MXRA8: variants seen among roughly 807,000 people sequenced by gnomAD.
MXRA8 encodes matrix remodeling associated 8.
A neutral mutation model predicts 51.4 loss-of-function variants in MXRA8; 44 were observed. The ratio of observed to expected loss-of-function variants is 0.86; its 90% CI spans 0.67 to 1.10. The LOEUF (loss-of-function observed/expected upper bound fraction) is 1.10, where lower values mean the gene tolerates loss of function less well. Among genes scored for constraint, MXRA8 ranks in the 50% least tolerant of loss-of-function variants. The pLI, the probability that MXRA8 is intolerant of heterozygous loss-of-function variation, is 0.00. For synonymous variants in MXRA8, 369 were observed against 293.5 expected (o/e 1.26, Z -2.63); for missense variants, 765 against 638.9 (o/e 1.20, Z -2.13).
chr1:1,359,589 C>G, upstream of MXRA8: 1 of 985,204 alleles, frequency 1.0e-6, no homozygotes, highest in South Asian at 4.7e-5. Flanking sequence ...CTCTGGTGCC[C>G]AAGTCCTCAG....
chr1:1,354,893 G>A lies in MXRA8; in HGVS notation c.738C>T (p.Gly246=), dbSNP rs1240881691. The stretch of plus-strand genomic sequence containing the variant: ...AGTCACCGCGCTCAAAGGCATCCGC[G>A]CCCACAGCCACGCGGTCGCGCAGAA... ...PLFLRDRVAV[G]ADAFERGDFS... The change falls in exon 5 of 10, where the codon GGC becomes GGT. Residue 246 remains glycine, a synonymous_variant. Coordinates refer to ENST00000309212, the MANE Select transcript of MXRA8 (RefSeq NM_032348.4). The A allele has an allele frequency of 6.2e-7, 1 of 1,611,278 alleles. No homozygotes were observed. Among genetic ancestry groups the A allele is most frequent in the Non-Finnish European group, 8.5e-7 (1 of 1,179,360 alleles).
chr1:1,361,615 G>A (rs1049394862), upstream of MXRA8: 9 of 413,442 alleles, frequency 2.2e-5, no homozygotes, highest in African/African-American at 1.6e-4. Flanking sequence ...GGCCACTGCT[G>A]ACACCAACAC....
At chr1:1,360,862 G>GCA (rs997244370), upstream of MXRA8, among the ~76,000 whole-genome samples, 4 of 151,804 alleles carry the variant, frequency 2.6e-5, no homozygotes, top group African/African-American at 7.3e-5. Flanking sequence ...ACAGACACAT[G>GCA]CACACACACA....
intron 1 of MXRA8, among the ~76,000 whole-genome samples, chr1:1,357,260 G>T (rs1569803595): frequency 6.6e-6 from 1 of 152,194 alleles, no homozygotes; most frequent in African/African-American, 2.4e-5. Flanking sequence ...GGCCGCCTCG[G>T]CATCCACTCT....
At chr1:1,360,616 G>A (rs975463972), upstream of MXRA8, among the ~76,000 whole-genome samples, 2 of 152,194 alleles carry the variant, frequency 1.3e-5, no homozygotes, top group African/African-American at 4.8e-5. Context: ...ACTGTGCTCT[G>A]GCTAAGCCCC....
At chr1:1,362,913 C>G (rs967254935), upstream of MXRA8, among the ~76,000 whole-genome samples, 2 of 150,676 alleles carry the variant, frequency 1.3e-5, no homozygotes, top group Non-Finnish European at 3.0e-5. Context: ...GAAACCCCGT[C>G]TCTACTAAAA....
Position 1,355,273 on chromosome 1 carries a change from A to G in MXRA8, c.449T>C (p.Leu150Pro). 6.4e-7 allele frequency: 1 copy of G among 1,573,446 alleles called. No individual in the cohort carries two copies. Among genetic ancestry groups the G allele is most frequent in the Non-Finnish European group, 8.6e-7 (1 of 1,164,014 alleles). Residue 150 changes from leucine (L) to proline (P), a missense_variant, in exon 4 of 10, where the codon CTG becomes CCG. By Grantham distance (98) the Leu-to-Pro change is moderately conservative. Transcript: ENST00000309212. ...HHHYCHLYESLAVRLEVTDGP... is the reference protein window; with the variant it reads ...HHHYCHLYESPAVRLEVTDGP... ...GTCGGTGACCTCCAGGCGGACGGCC[A>G]GGCTCTCGTAGAGGTGGCAGTAGTG...
rs1043033569 is a variant in MXRA8, at chr1:1,354,919, A to T, written c.712T>A (p.Phe238Ile). The T allele has an allele frequency of 6.2e-7, 1 of 1,608,558 alleles. No individual in the cohort carries two copies. The highest frequency in any genetic ancestry group is 1.3e-5 in the African/African-American group (1 of 74,838). Reference sequence around the variant, plus strand: ...CCCACAGCCACGCGGTCGCGCAGAAAAAGGGGCCCGTAGGCGCGGCGCTCG... The same window carrying T: ...CCCACAGCCACGCGGTCGCGCAGAATAAGGGGCCCGTAGGCGCGGCGCTCG... ...SGERRAYGPLFLRDRVAVGAD... is the reference protein window; with the variant it reads ...SGERRAYGPLILRDRVAVGAD... The change falls in exon 5 of 10, where the codon TTT (phenylalanine) becomes ATT (isoleucine). Residue 238 changes from phenylalanine to isoleucine, a missense_variant. Phe to Ile is a conservative substitution (Grantham distance 21). Transcript: ENST00000309212.
At chr1:1,354,598 C>T in intron 5 of MXRA8, 84 bp downstream of exon 5, 1 of 1,554,772 alleles carries the variant, frequency 6.4e-7, no homozygotes. Flanking sequence ...GATCCGCGGG[C>T]CTCGGGCAAG....
chr1:1,357,063 G>T (rs1644148186), intron 1 of MXRA8, among the ~76,000 whole-genome samples: 1 of 152,140 alleles, frequency 6.6e-6, no homozygotes, highest in African/African-American at 2.4e-5. Flanking sequence ...GCTCCCTCCA[G>T]GGCTGTGCCC....
chr1:1,357,136 C>A (rs898949027), intron 1 of MXRA8, among the ~76,000 whole-genome samples: 1 of 152,186 alleles, frequency 6.6e-6, no homozygotes, highest in East Asian at 1.9e-4. Flanking sequence ...TAAGGCTCAG[C>A]GCAGCCCCTG....
chr1:1,355,471 TG>T lies in MXRA8; in HGVS notation c.354del (p.Asn119ThrfsTer66). The T allele has an allele frequency of 6.6e-7, 1 of 1,509,612 alleles. No homozygotes were observed. 93.5% of individuals were successfully genotyped at this position (1,509,612 alleles called of 1,614,324 possible). A position where few individuals can be genotyped will look rare whatever the true frequency, so the allele number is the denominator to read the frequency against. On this transcript the variant is annotated frameshift_variant, in exon 3 of 10. Transcript: ENST00000309212. LOFTEE classifies it high-confidence loss of function. Reference protein sequence around the residue: ...LELSASAFDDGNFSLLIRAVE... With the variant: ...LELSASAFDDXNFSLLIRAVE... ...GCACCGCGGATGAGCAGCGAGAAGT[TG>T]CCGTCGTCGAAGGCCGAGGCCGAGA... is the stretch of plus-strand genomic sequence containing the variant.
intron 8 of MXRA8, 38 bp from the exon 9 acceptor site, chr1:1,353,966 G>T (rs1218975885): frequency 2.5e-6 from 4 of 1,593,638 alleles, no homozygotes; most frequent in Non-Finnish European, 3.4e-6. Context: ...CCGCTCCCAG[G>T]ATGCACTTCC....
Position 1,353,088 on chromosome 1 carries a change from T to C in MXRA8, c.*516A>G, listed in dbSNP as rs879244223. On this transcript the variant is annotated 3_prime_UTR_variant, in exon 10 of 10. Coordinates refer to ENST00000309212, the MANE Select transcript of MXRA8 (RefSeq NM_032348.4). The stretch of plus-strand genomic sequence containing the variant: ...CACATGGTGGTACAGGTGGGGGAGC[T>C]CTCGGTGGCAGGCAGCACCCCAGGA... 2.7e-5 allele frequency: 17 copies of C among 640,890 alleles called. No individual in the cohort carries two copies. In the South Asian group the frequency reaches 2.8e-4, roughly 11 times the overall value. The allele number at this position is 640,890 out of a possible 1,614,324, so 39.7% of individuals were successfully genotyped here. A position where few individuals can be genotyped will look rare whatever the true frequency, so the allele number is the denominator to read the frequency against.
At chr1:1,361,630 A>G (rs1007920923), upstream of MXRA8, 5 of 381,634 alleles carry the variant, frequency 1.3e-5, no homozygotes, top group South Asian at 7.6e-5. Flanking sequence ...CAACACAGAC[A>G]GGGTTAGGCT....
At chr1:1,358,032 G>A (rs967777885) in intron 1 of MXRA8, among the ~76,000 whole-genome samples, 3 of 152,178 alleles carry the variant, frequency 2.0e-5, no homozygotes, top group Admixed American at 2.0e-4. Flanking sequence ...AGATGTGGCC[G>A]AGAGCCTGGG....
In MXRA8 at chr1:1,355,232, G is replaced by T. The variant is rs1275290946; in HGVS notation, c.478+12C>A. 3 of 1,543,426 alleles carry T rather than the reference G, an allele frequency of 1.9e-6. No individual in the cohort carries two copies. The highest frequency in any genetic ancestry group is 2.6e-6 in the Non-Finnish European group (3 of 1,151,482). On this transcript the variant is annotated intron_variant, in intron 4 of 9. Coordinates refer to ENST00000309212, the MANE Select transcript of MXRA8 (RefSeq NM_032348.4). ...AGGGGCGGGAGCTGGGGGGCGGGGG[G>T]GAAGCACTCACGGCCGTCGGTGACC... is the stretch of plus-strand genomic sequence containing the variant.
upstream of MXRA8, chr1:1,359,653 G>T: frequency 1.2e-6 from 1 of 869,098 alleles, no homozygotes; most frequent in Non-Finnish European, 1.4e-6. Context: ...GAGGGGAGGG[G>T]AACCTGCGGC....
At chr1:1,362,810 G>A (rs1179488021), upstream of MXRA8, among the ~76,000 whole-genome samples, 1 of 148,938 alleles carries the variant, frequency 6.7e-6, no homozygotes, top group East Asian at 2.0e-4. Flanking sequence ...AGGGTTGGGC[G>A]CGGTGGCTCA....
Sources: gnomAD v4.1 joint callset for allele counts (sites outside exome capture counted in the v4.1 genomes callset) on GRCh38, gnomAD v4.1.1 for gene constraint, MANE v1.5 for transcripts, NCBI Gene and HGNC (gene_info 2026-07-23, HGNC 2026-07-21) for gene names.